CDH12: variants seen among roughly 807,000 people sequenced by gnomAD.
CDH12 encodes cadherin 12, also known as cadherin-12.
CDH12 carries 41 observed loss-of-function variants against 74.1 expected under a neutral mutation model. The ratio of observed to expected loss-of-function variants is 0.55; its 90% CI spans 0.43 to 0.72. The LOEUF (loss-of-function observed/expected upper bound fraction) is 0.72. Ranked by LOEUF, CDH12 falls within the 30% of genes least tolerant of loss-of-function variation. The probability of loss-of-function intolerance (pLI) is 0.00; values close to 1 mark genes in which losing one functional copy is unlikely to be tolerated. For missense variants in CDH12, 945 were observed against 977.2 expected (o/e 0.97, Z 0.44); for synonymous variants, 399 against 355.0 (o/e 1.12, Z -1.39).
At chr5:21,787,620 T>C (rs1004952493) in intron 10 of CDH12, among the ~76,000 whole-genome samples, 1 of 152,144 alleles carries the variant, frequency 6.6e-6, no homozygotes, top group Non-Finnish European at 1.5e-5. Context: ...CCAGGGTATA[T>C]CTGTAATTGA....
intron 1 of CDH12, among the ~76,000 whole-genome samples, chr5:22,526,886 C>T (rs1737310463): frequency 6.6e-6 from 1 of 152,094 alleles, no homozygotes; most frequent in Admixed American, 6.5e-5. Flanking sequence ...TGGATTCTGC[C>T]AGCTGCTGAG....
intron 1 of CDH12, among the ~76,000 whole-genome samples, chr5:22,705,388 G>A (rs1407420270): frequency 6.6e-6 from 1 of 151,680 alleles, no homozygotes. Context: ...CTCAGCTCCT[G>A]ATTCTTGAGA....
At chr5:22,553,307 T>C (rs1738655335) in intron 1 of CDH12, among the ~76,000 whole-genome samples, 1 of 152,174 alleles carries the variant, frequency 6.6e-6, no homozygotes, top group African/African-American at 2.4e-5. Context: ...TTATTTTCAG[T>C]TTTATCATCA....
intron 1 of CDH12, among the ~76,000 whole-genome samples, chr5:22,659,785 T>C (rs564738525): frequency 6.6e-6 from 1 of 152,094 alleles, no homozygotes; most frequent in South Asian, 2.1e-4. Flanking sequence ...CACAGTTTTA[T>C]AGAATTACTA....
intron 6 of CDH12, among the ~76,000 whole-genome samples, chr5:21,922,074 T>C (rs1754378879): frequency 1.3e-5 from 2 of 152,194 alleles, no homozygotes; most frequent in Admixed American, 1.3e-4. Context: ...GAAACGTCTC[T>C]GTGATTTCCA....
intron 1 of CDH12, among the ~76,000 whole-genome samples, chr5:22,789,352 C>CA (rs1004797769): frequency 6.6e-6 from 1 of 151,570 alleles, no homozygotes; most frequent in Non-Finnish European, 1.5e-5. Flanking sequence ...TAATAAAGAA[C>CA]AAAAAAATTG....
intron 4 of CDH12, among the ~76,000 whole-genome samples, chr5:22,174,703 A>G (rs1006285846): frequency 1.2e-4 from 19 of 152,034 alleles, no homozygotes; most frequent in African/African-American, 4.6e-4. Context: ...GACTGAGTCA[A>G]AATACACTAA....
intron 11 of CDH12, among the ~76,000 whole-genome samples, chr5:21,772,614 T>C (rs1469348959): frequency 1.3e-5 from 2 of 152,176 alleles, no homozygotes; most frequent in Non-Finnish European, 2.9e-5. Flanking sequence ...TACTAAGAAG[T>C]ATGAACTTGT....
chr5:22,001,073 G>A (rs570995599), intron 5 of CDH12, among the ~76,000 whole-genome samples: 141 of 152,100 alleles, frequency 9.3e-4, no homozygotes, highest in African/African-American at 3.3e-3. Context: ...AAACACAGAC[G>A]TGACTTCACC....
intron 3 of CDH12, among the ~76,000 whole-genome samples, chr5:22,290,892 G>A (rs1580487809): frequency 6.6e-6 from 1 of 152,136 alleles, no homozygotes; most frequent in Non-Finnish European, 1.5e-5. Context: ...AAGCCCAGGA[G>A]TTGATGTCTT....
intron 4 of CDH12, among the ~76,000 whole-genome samples, chr5:22,169,776 C>T (rs951331106): frequency 6.6e-6 from 1 of 151,890 alleles, no homozygotes; most frequent in Non-Finnish European, 1.5e-5. Flanking sequence ...GCTTATCCTT[C>T]TGAGTTACCT....
intron 2 of CDH12, among the ~76,000 whole-genome samples, chr5:22,419,323 G>A (rs905037725): frequency 1.3e-5 from 2 of 152,030 alleles, no homozygotes; most frequent in Non-Finnish European, 2.9e-5. Context: ...CCCCCTGACA[G>A]GCCCCAGTGT....
At chr5:22,487,064 A>C (rs1746634800) in intron 2 of CDH12, among the ~76,000 whole-genome samples, 1 of 150,374 alleles carries the variant, frequency 6.7e-6, no homozygotes, top group Non-Finnish European at 1.5e-5. Context: ...TGTGTGTGGC[A>C]TGATCTCAGC....
chr5:22,778,353 A>G (rs1038177263), intron 1 of CDH12, among the ~76,000 whole-genome samples: 10 of 152,276 alleles, frequency 6.6e-5, no homozygotes, highest in Admixed American at 1.3e-4. Context: ...ATTTCTCTTC[A>G]TAGTAAGGAA....
intron 1 of CDH12, among the ~76,000 whole-genome samples, chr5:22,697,464 C>A (rs1218966489): frequency 6.7e-6 from 1 of 148,232 alleles, no homozygotes; most frequent in South Asian, 2.1e-4. Context: ...CCCAGCTACT[C>A]GGGAGGCTGA....
At position 22,236,713 on chromosome 5, in the gene CDH12, G is replaced by A. The variant is rs181505646; in HGVS notation, c.-332-24070C>T. On this transcript the variant is annotated intron_variant, in intron 3 of 14. Coordinates refer to ENST00000382254, the MANE Select transcript of CDH12 (RefSeq NM_004061.5). ...AGTGAGCGAGATGGTGCCACTGCAC[G>A]CCACTCTGGGCTATGGAGTGAGACT... Among the ~76,000 whole-genome samples, 566 of 152,176 alleles carry A rather than the reference G, an allele frequency of 3.7e-3. 2 individuals are homozygous for A. The highest frequency in any genetic ancestry group is 0.013 in the African/African-American group (539 of 41,520).
At chr5:22,782,381 GAA>G (rs1469699517) in intron 1 of CDH12, among the ~76,000 whole-genome samples, 7 of 152,088 alleles carry the variant, frequency 4.6e-5, no homozygotes, top group African/African-American at 1.4e-4. Context: ...TCATGATAGT[GAA>G]AGAGTTCTCA....
intron 3 of CDH12, among the ~76,000 whole-genome samples, chr5:22,310,732 A>G (rs1738353995): frequency 6.6e-6 from 1 of 152,184 alleles, no homozygotes; most frequent in South Asian, 2.1e-4. Flanking sequence ...TATGGCATCA[A>G]TAACAATGTC....
At chr5:22,233,457 T>A (rs1752460125) in intron 3 of CDH12, among the ~76,000 whole-genome samples, 1 of 152,056 alleles carries the variant, frequency 6.6e-6, no homozygotes, top group African/African-American at 2.4e-5. Flanking sequence ...AAGTCTAACT[T>A]ATTGGTTTGC....
Sources: allele counts gnomAD v4.1 joint callset (sites outside exome capture counted in the v4.1 genomes callset), GRCh38; gene constraint gnomAD v4.1.1; transcripts MANE v1.5; gene names NCBI Gene and HGNC (gene_info 2026-07-23, HGNC 2026-07-21).